ADARB2: variants seen among roughly 807,000 people sequenced by gnomAD.
ADARB2 encodes the protein adenosine deaminase RNA specific B2 (inactive).
Under a neutral mutation model 62.2 loss-of-function variants are expected in ADARB2, and 25 were observed. The ratio of observed to expected loss-of-function variants is 0.40; its 90% CI spans 0.29 to 0.56. ADARB2 has a LOEUF of 0.56. Among genes scored for constraint, ADARB2 ranks in the 20% least tolerant of loss-of-function variants. The probability of loss-of-function intolerance (pLI) is 0.43; values close to 1 mark genes in which losing one functional copy is unlikely to be tolerated. For synonymous variants in ADARB2, 572 were observed against 500.8 expected (o/e 1.14, Z -1.90); for missense variants, 1,071 against 1,077.4 (o/e 0.99, Z 0.08).
At position 1,328,996 on chromosome 10, in the gene ADARB2, T is replaced by TAAAAA. The variant is rs376461606; in HGVS notation, c.1077+34027_1077+34031dup. On this transcript the variant is annotated intron_variant, in intron 3 of 9. Coordinates refer to ENST00000381312, the MANE Select transcript of ADARB2 (RefSeq NM_018702.4). ...GGGGTGACAGAACAAGACCCTGTCT[T>TAAAAA]AAAAAAAAAAAAAAAAAAAAAAAAA... is the stretch of plus-strand genomic sequence containing the variant. Among the ~76,000 whole-genome samples the TAAAAA allele has an allele frequency of 4.9e-3, 374 of 75,652 alleles. 9 individuals carry two copies. Among genetic ancestry groups the TAAAAA allele is most frequent in the Non-Finnish European group, 6.7e-3 (282 of 41,998 alleles). The allele number at this position is 75,652 out of a possible 152,430, so 49.6% of individuals were successfully genotyped here. A position where few individuals can be genotyped will look rare whatever the true frequency, so the allele number is the denominator to read the frequency against.
intron 6 of ADARB2, among the ~76,000 whole-genome samples, chr10:1,232,518 G>T (rs1468761867): frequency 6.8e-6 from 1 of 147,528 alleles, no homozygotes; most frequent in East Asian, 2.0e-4. Flanking sequence ...GGTATGTGCT[G>T]TGTGTGATGT....
chr10:1,581,393 A>C (rs1015345938), intron 1 of ADARB2, among the ~76,000 whole-genome samples: 1 of 152,214 alleles, frequency 6.6e-6, no homozygotes, highest in Non-Finnish European at 1.5e-5. Context: ...TCCCCCGAGG[A>C]CAGGAGCTCA....
chr10:1,278,059 T>G (rs564710290), intron 3 of ADARB2, among the ~76,000 whole-genome samples: 1 of 152,094 alleles, frequency 6.6e-6, no homozygotes, highest in South Asian at 2.1e-4. Flanking sequence ...AACCTCCGCC[T>G]CCCAGGTTCA....
intron 3 of ADARB2, among the ~76,000 whole-genome samples, chr10:1,360,265 G>A (rs1460698412): frequency 6.6e-6 from 1 of 152,218 alleles, no homozygotes; most frequent in Admixed American, 6.5e-5. Flanking sequence ...CCCCAGAGGT[G>A]GGCCTGCCCT....
chr10:1,665,539 C>G (rs1321233472), intron 1 of ADARB2, among the ~76,000 whole-genome samples: 1 of 152,264 alleles, frequency 6.6e-6, no homozygotes, highest in East Asian at 1.9e-4. Flanking sequence ...CCCACCCAGG[C>G]GGTGCATAGA....
intron 5 of ADARB2, among the ~76,000 whole-genome samples, chr10:1,235,178 C>G (rs550790464): frequency 6.7e-6 from 1 of 149,004 alleles, no homozygotes; most frequent in African/African-American, 2.5e-5. Flanking sequence ...GTGGGTTTGA[C>G]GTAGCCTGAG....
At chr10:1,310,860 A>G (rs1467978000) in intron 3 of ADARB2, among the ~76,000 whole-genome samples, 2 of 152,266 alleles carry the variant, frequency 1.3e-5, no homozygotes, top group East Asian at 3.8e-4. Flanking sequence ...TGGATTAAAA[A>G]TAAGTTGAGG....
At chr10:1,215,514 C>T (rs979098227) in intron 7 of ADARB2, among the ~76,000 whole-genome samples, 1 of 152,252 alleles carries the variant, frequency 6.6e-6, no homozygotes, top group African/African-American at 2.4e-5. Context: ...TGGGGACCAA[C>T]CTTTGCATCT....
chr10:1,381,497 G>T (rs1197759876), intron 1 of ADARB2, among the ~76,000 whole-genome samples: 2 of 152,246 alleles, frequency 1.3e-5, no homozygotes, highest in African/African-American at 2.4e-5. Flanking sequence ...CCTGCTGGCG[G>T]GTCAATGCCC....
At chr10:1,687,707 C>A (rs913754935) in intron 1 of ADARB2, among the ~76,000 whole-genome samples, 1 of 151,652 alleles carries the variant, frequency 6.6e-6, no homozygotes, top group African/African-American at 2.4e-5. Flanking sequence ...GTATAAAGAC[C>A]CCCGGGTCCA....
intron 1 of ADARB2, among the ~76,000 whole-genome samples, chr10:1,696,998 C>G (rs1483046535): frequency 1.3e-5 from 2 of 151,672 alleles, no homozygotes; most frequent in South Asian, 4.2e-4. Flanking sequence ...TATTAGCTAT[C>G]GTTAATGTTA....
chr10:1,491,841 G>A (rs996106623), intron 1 of ADARB2, among the ~76,000 whole-genome samples: 29 of 152,324 alleles, frequency 1.9e-4, no homozygotes, highest in African/African-American at 6.0e-4. Flanking sequence ...GCCTCTTTGA[G>A]TTGTAGTTTC....
chr10:1,669,916 A>C (rs1322714646), intron 1 of ADARB2, among the ~76,000 whole-genome samples: 3 of 152,108 alleles, frequency 2.0e-5, no homozygotes, highest in Non-Finnish European at 4.4e-5. Context: ...ACACCCATAG[A>C]GAGATGCACA....
At chr10:1,663,338 G>T (rs1376201343) in intron 1 of ADARB2, among the ~76,000 whole-genome samples, 2 of 152,126 alleles carry the variant, frequency 1.3e-5, no homozygotes, top group African/African-American at 4.8e-5. Flanking sequence ...GCGTGGTGCG[G>T]CTCTGAGAAT....
At position 1,459,942 on chromosome 10, in the gene ADARB2, G is replaced by T. The variant is rs574905082; in HGVS notation, c.101-80782C>A. Among the ~76,000 whole-genome samples the T allele has an allele frequency of 1.5e-4, 22 of 145,328 alleles. No homozygotes were observed. In the South Asian group the frequency reaches 4.8e-3, roughly 32 times the overall value. ...CTGCCTGTGACCTGAGTTTACCTGCGTTACGAACCTGCCTGTGACCTGAGT... is the reference window on the plus strand; with the variant it reads ...CTGCCTGTGACCTGAGTTTACCTGCTTTACGAACCTGCCTGTGACCTGAGT... On this transcript the variant is annotated intron_variant, in intron 1 of 9. Transcript: ENST00000381312.
chr10:1,342,086 G>A (rs1832035145), intron 3 of ADARB2, among the ~76,000 whole-genome samples: 3 of 152,236 alleles, frequency 2.0e-5, no homozygotes, highest in South Asian at 2.1e-4. Context: ...GTGCAGGAAT[G>A]TGTGGTTGGC....
chr10:1,274,207 G>T (rs1316736116), intron 3 of ADARB2, among the ~76,000 whole-genome samples: 1 of 152,366 alleles, frequency 6.6e-6, no homozygotes. Context: ...CTGCACAGGC[G>T]TCCTGGACTC....
chr10:1,568,800 C>CTCTATCTATCTATCTATCTATCTA (rs71379148), intron 1 of ADARB2, among the ~76,000 whole-genome samples: 3 of 148,454 alleles, frequency 2.0e-5, no homozygotes, highest in Non-Finnish European at 3.0e-5. Flanking sequence ...ATGTCTCTAT[C>CTCTATCTATCTATCTATCTATCTA]TCTATCTATC....
chr10:1,471,486 G>A (rs888527578), intron 1 of ADARB2, among the ~76,000 whole-genome samples: 11 of 152,176 alleles, frequency 7.2e-5, no homozygotes, highest in Non-Finnish European at 1.6e-4. Flanking sequence ...TGCCTCCCAG[G>A]TTCAAGCGCT....
Sources: gnomAD v4.1 joint callset for allele counts (sites outside exome capture counted in the v4.1 genomes callset) on GRCh38, gnomAD v4.1.1 for gene constraint, MANE v1.5 for transcripts, NCBI Gene and HGNC (gene_info 2026-07-23, HGNC 2026-07-21) for gene names.